L3MBTL4: variants seen among roughly 807,000 people sequenced by gnomAD.
L3MBTL4 encodes L3MBTL histone methyl-lysine binding protein 4, also known as lethal(3)malignant brain tumor-like protein 4.
In L3MBTL4, 70 loss-of-function variants were observed where a neutral mutation model predicts 84.5. That is an observed-to-expected ratio of 0.83 (90% CI 0.68 to 1.01). L3MBTL4 has a LOEUF of 1.01. L3MBTL4 is among the 50% of genes least tolerant of loss of function. The probability of loss-of-function intolerance (pLI) is 0.00; values close to 1 mark genes in which losing one functional copy is unlikely to be tolerated. For missense variants in L3MBTL4, 715 were observed against 754.8 expected (o/e 0.95, Z 0.62); for synonymous variants, 274 against 259.8 (o/e 1.05, Z -0.52).
At chr18:6,402,602 C>T (rs541449510) in intron 1 of L3MBTL4, among the ~76,000 whole-genome samples, 2 of 152,072 alleles carry the variant, frequency 1.3e-5, no homozygotes, top group Admixed American at 6.6e-5. Context: ...TGGTGCCATA[C>T]AGAACAAGGT....
At chr18:6,018,072 A>AT in intron 16 of L3MBTL4, among the ~76,000 whole-genome samples, 1 of 152,328 alleles carries the variant, frequency 6.6e-6, no homozygotes, top group African/African-American at 2.4e-5. Context: ...ATAGTAAGGT[A>AT]TAAGAGCCAC....
chr18:6,382,012 T>G (rs2054612882), intron 1 of L3MBTL4, among the ~76,000 whole-genome samples: 1 of 152,256 alleles, frequency 6.6e-6, no homozygotes, highest in African/African-American at 2.4e-5. Context: ...CCATATTTCT[T>G]GGAGGCTTTG....
At chr18:6,244,329 C>A (rs937720691) in intron 6 of L3MBTL4, among the ~76,000 whole-genome samples, 155 bp downstream of exon 6, 3 of 152,142 alleles carry the variant, frequency 2.0e-5, no homozygotes, top group African/African-American at 7.2e-5. Flanking sequence ...GAAAAAAATT[C>A]ACTAAGAAAC....
intron 1 of L3MBTL4, among the ~76,000 whole-genome samples, chr18:6,377,397 C>T (rs534409880): frequency 1.7e-3 from 255 of 152,148 alleles, no homozygotes; most frequent in African/African-American, 2.6e-3. Flanking sequence ...TAGGTATACA[C>T]GTGCCATGGT....
At chr18:6,205,824 G>A (rs1014043094) in intron 12 of L3MBTL4, among the ~76,000 whole-genome samples, 7 of 152,176 alleles carry the variant, frequency 4.6e-5, no homozygotes, top group African/African-American at 1.4e-4. Context: ...CAAAAGAGAC[G>A]ATGTTTGGCA....
At chr18:6,057,245 T>G (rs2057057339) in intron 16 of L3MBTL4, among the ~76,000 whole-genome samples, 1 of 152,148 alleles carries the variant, frequency 6.6e-6, no homozygotes, top group African/African-American at 2.4e-5. Flanking sequence ...GCCAGGCTGG[T>G]CTCAAACTCC....
chr18:6,036,595 T>C (rs1489152709), intron 16 of L3MBTL4, among the ~76,000 whole-genome samples: 1 of 152,214 alleles, frequency 6.6e-6, no homozygotes, highest in Non-Finnish European at 1.5e-5. Context: ...GGAAATCTCA[T>C]CAGGCTCTTT....
intron 17 of L3MBTL4, among the ~76,000 whole-genome samples, chr18:5,963,028 G>C (rs1159098012): frequency 6.6e-6 from 1 of 152,144 alleles, no homozygotes; most frequent in Admixed American, 6.5e-5. Flanking sequence ...TCTTCTGCTG[G>C]GCTCACTTTT....
chr18:6,412,027 G>A (rs1042337033), intron 1 of L3MBTL4, among the ~76,000 whole-genome samples: 12 of 152,136 alleles, frequency 7.9e-5, no homozygotes, highest in Non-Finnish European at 1.6e-4. Flanking sequence ...GGGTACGTGT[G>A]CAGGTTGGTT....
At chr18:6,321,682 T>C (rs2051410347) in intron 1 of L3MBTL4, among the ~76,000 whole-genome samples, 2 of 152,156 alleles carry the variant, frequency 1.3e-5, no homozygotes, top group South Asian at 4.1e-4. Flanking sequence ...ATAAATAAAA[T>C]GTGGTATATA....
intron 16 of L3MBTL4, among the ~76,000 whole-genome samples, chr18:6,065,602 A>T (rs2057373976): frequency 6.6e-6 from 1 of 151,882 alleles, no homozygotes; most frequent in South Asian, 2.1e-4. Context: ...TCAGGACTTT[A>T]TCCATTTCCT....
intron 16 of L3MBTL4, among the ~76,000 whole-genome samples, chr18:6,028,713 G>A (rs1042293628): frequency 6.6e-6 from 1 of 152,044 alleles, no homozygotes; most frequent in African/African-American, 2.4e-5. Flanking sequence ...TTATTTCCTT[G>A]AGCAGTGGTT....
At chr18:6,014,764 T>C (rs2054888068) in intron 16 of L3MBTL4, among the ~76,000 whole-genome samples, 1 of 151,978 alleles carries the variant, frequency 6.6e-6, no homozygotes, top group Admixed American at 6.6e-5. Flanking sequence ...ACCCCAAGAA[T>C]ATTGGGGAAA....
chr18:6,340,184 A>G (rs1421669349), intron 1 of L3MBTL4, among the ~76,000 whole-genome samples: 1 of 152,210 alleles, frequency 6.6e-6, no homozygotes, highest in Non-Finnish European at 1.5e-5. Flanking sequence ...TGTAAGCAAG[A>G]TGGCAGAATA....
intron 1 of L3MBTL4, among the ~76,000 whole-genome samples, chr18:6,320,452 G>A (rs572748631): frequency 1.2e-4 from 19 of 152,044 alleles, no homozygotes; most frequent in African/African-American, 3.1e-4. Context: ...CAAAGTATAC[G>A]AGTCAATAGC....
chr18:6,165,102 G>A (rs181054102), intron 13 of L3MBTL4, among the ~76,000 whole-genome samples: 1 of 152,302 alleles, frequency 6.6e-6, no homozygotes, highest in East Asian at 1.9e-4. Flanking sequence ...CAAAATGAAT[G>A]ACATGAACTA....
chr18:6,295,346 C>CTCTCTCTCTATATATA (rs1261475809), intron 4 of L3MBTL4, among the ~76,000 whole-genome samples: 1 of 81,380 alleles, frequency 1.2e-5, no homozygotes, highest in Non-Finnish European at 2.1e-5. Flanking sequence ...CTCTCTCTCT[C>CTCTCTCTCTATATATA]TATATATATA....
At chr18:5,967,336 G>T (rs2052404982) in intron 17 of L3MBTL4, among the ~76,000 whole-genome samples, 1 of 152,192 alleles carries the variant, frequency 6.6e-6, no homozygotes, top group Non-Finnish European at 1.5e-5. Context: ...AGTAAAATGG[G>T]AAAGTGAGTA....
At chr18:6,292,730 A>G (rs1483717550) in intron 4 of L3MBTL4, among the ~76,000 whole-genome samples, 1 of 152,210 alleles carries the variant, frequency 6.6e-6, no homozygotes, top group Non-Finnish European at 1.5e-5. Context: ...ACCAACTAAG[A>G]CAGAGTCAAG....
Sources: gnomAD v4.1 joint callset for allele counts (sites outside exome capture counted in the v4.1 genomes callset) on GRCh38, gnomAD v4.1.1 for gene constraint, MANE v1.5 for transcripts, NCBI Gene and HGNC (gene_info 2026-07-23, HGNC 2026-07-21) for gene names.